NRG1: variants seen among roughly 807,000 people sequenced by gnomAD.
The protein encoded by NRG1 is neuregulin 1.
In NRG1, 18 loss-of-function variants were observed where a neutral mutation model predicts 63.8. The observed-to-expected ratio is 0.28, with a 90% CI of 0.19 to 0.42. The LOEUF (loss-of-function observed/expected upper bound fraction) is 0.42, where lower values mean the gene tolerates loss of function less well. NRG1 is among the 10% of genes least tolerant of loss of function. The probability of loss-of-function intolerance (pLI) is 1.00; values close to 1 mark genes in which losing one functional copy is unlikely to be tolerated. For missense variants in NRG1, 762 were observed against 814.7 expected (o/e 0.94, Z 0.79); for synonymous variants, 302 against 301.3 (o/e 1.00, Z -0.02).
At chr8:32,709,472 T>C (rs1817270133) in intron 5 of NRG1, among the ~76,000 whole-genome samples, 1 of 152,066 alleles carries the variant, frequency 6.6e-6, no homozygotes, top group African/African-American at 2.4e-5. Context: ...CCAGCTGGAG[T>C]ACAGTGGCAT....
In NRG1 at chr8:32,738,263, A is replaced by G. The variant is rs146031185; in HGVS notation, c.633-4412A>G. The stretch of plus-strand genomic sequence containing the variant: ...GAAGTGGGTGATGGGGAGGTGGAGG[A>G]CAGGGAAAGAGTGATGCCTAAGTTC... On this transcript the variant is annotated intron_variant, in intron 6 of 11. Transcript: ENST00000356819. Among the ~76,000 whole-genome samples, 52 of 152,206 alleles carry G rather than the reference A, an allele frequency of 3.4e-4. 1 individual carries two copies. The East Asian group carries it at 9.7e-3, about 28-fold the overall frequency.
chr8:31,665,409 G>T (rs1472555884), intron 1 of NRG1, among the ~76,000 whole-genome samples: 1 of 152,132 alleles, frequency 6.6e-6, no homozygotes, highest in African/African-American at 2.4e-5. Flanking sequence ...CATCATTTTG[G>T]TAAGGGTACA....
intron 1 of NRG1, among the ~76,000 whole-genome samples, chr8:32,349,325 G>A (rs575646600): frequency 2.6e-5 from 4 of 152,144 alleles, no homozygotes; most frequent in Non-Finnish European, 5.9e-5. Flanking sequence ...CTATCTTTAA[G>A]GAAAATCATG....
At chr8:32,254,598 T>C (rs1330883096) in intron 1 of NRG1, among the ~76,000 whole-genome samples, 1 of 152,200 alleles carries the variant, frequency 6.6e-6, no homozygotes, top group African/African-American at 2.4e-5. Flanking sequence ...CTTCCAATTA[T>C]GTGGTCAGTT....
intron 1 of NRG1, among the ~76,000 whole-genome samples, chr8:32,028,753 T>A (rs1204968504): frequency 6.6e-6 from 1 of 152,144 alleles, no homozygotes; most frequent in Non-Finnish European, 1.5e-5. Context: ...AAGAAGAATA[T>A]TTTTTCAAGA....
At chr8:31,658,226 G>A (rs1457886950) in intron 1 of NRG1, among the ~76,000 whole-genome samples, 1 of 152,218 alleles carries the variant, frequency 6.6e-6, no homozygotes, top group Non-Finnish European at 1.5e-5. Context: ...GGAAGGAAAA[G>A]AGACATGGTA....
At chr8:32,708,025 T>C (rs552443375) in intron 5 of NRG1, among the ~76,000 whole-genome samples, 2 of 152,154 alleles carry the variant, frequency 1.3e-5, no homozygotes, top group South Asian at 4.1e-4. Flanking sequence ...TAAAACAAAA[T>C]AATAGTGGCA....
At chr8:31,663,820 T>C (rs1806249978) in intron 1 of NRG1, among the ~76,000 whole-genome samples, 1 of 152,068 alleles carries the variant, frequency 6.6e-6, no homozygotes, top group African/African-American at 2.4e-5. Context: ...TTCTTTTTCA[T>C]CTTTGGGGCT....
chr8:32,471,595 CATATT>C (rs1823855989), intron 1 of NRG1, among the ~76,000 whole-genome samples: 1 of 151,914 alleles, frequency 6.6e-6, no homozygotes. Flanking sequence ...AGACAATAAA[CATATT>C]AAACAAAGCC....
chr8:32,156,408 C>A (rs763696794), intron 1 of NRG1, among the ~76,000 whole-genome samples: 1 of 152,144 alleles, frequency 6.6e-6, no homozygotes, highest in Admixed American at 6.5e-5. Flanking sequence ...TCATGTCATA[C>A]TTTTTAGATT....
chr8:31,780,395 A>G (rs1013531189), intron 1 of NRG1, among the ~76,000 whole-genome samples: 1 of 152,152 alleles, frequency 6.6e-6, no homozygotes, highest in African/African-American at 2.4e-5. Flanking sequence ...GAATGATAGC[A>G]TTTTCTGCTC....
chr8:32,166,661 A>T (rs1839434646), intron 1 of NRG1, among the ~76,000 whole-genome samples: 1 of 152,230 alleles, frequency 6.6e-6, no homozygotes, highest in Non-Finnish European at 1.5e-5. Context: ...TGATGGTAAC[A>T]GTGCTATGTC....
At chr8:32,533,821 T>C (rs1021848653) in intron 1 of NRG1, among the ~76,000 whole-genome samples, 2 of 152,126 alleles carry the variant, frequency 1.3e-5, no homozygotes, top group African/African-American at 4.8e-5. Flanking sequence ...TTTAAATGCA[T>C]TGAATGTCAA....
At chr8:31,787,921 A>T (rs942470946) in intron 1 of NRG1, among the ~76,000 whole-genome samples, 1 of 152,196 alleles carries the variant, frequency 6.6e-6, no homozygotes, top group Non-Finnish European at 1.5e-5. Context: ...TGTGTCAGGC[A>T]TTATTTTAAT....
At chr8:32,463,915 G>T (rs12542899) in intron 1 of NRG1, among the ~76,000 whole-genome samples, 59,321 of 62,564 alleles carry the variant, frequency 0.95, 28,059 homozygotes, top group Middle Eastern at 0.98. Context: ...TTTTTTTTTG[G>T]GGGAGGGTCT....
intron 1 of NRG1, among the ~76,000 whole-genome samples, chr8:32,053,540 T>C (rs1333494883): frequency 6.6e-6 from 1 of 152,178 alleles, no homozygotes; most frequent in Non-Finnish European, 1.5e-5. Flanking sequence ...AAACCTCTTT[T>C]CATCATGAAA....
intron 1 of NRG1, among the ~76,000 whole-genome samples, chr8:32,135,963 A>G (rs1348177866): frequency 1.6e-5 from 2 of 124,484 alleles, no homozygotes; most frequent in African/African-American, 5.2e-5. Flanking sequence ...GTGATTGTTG[A>G]GATGTTTTGA....
intron 5 of NRG1, chr8:32,648,076 A>G (rs971320934): frequency 1.9e-6 from 3 of 1,613,772 alleles, no homozygotes; most frequent in Non-Finnish European, 2.5e-6. Flanking sequence ...TTAGGCCAGG[A>G]CCCTATTATT....
chr8:31,800,935 G>T (rs1192272940), intron 1 of NRG1, among the ~76,000 whole-genome samples: 1 of 143,620 alleles, frequency 7.0e-6, no homozygotes, highest in Non-Finnish European at 1.5e-5. Context: ...CCACCTTCCA[G>T]GTTCACGCCA....
Sources: gnomAD v4.1 joint callset for allele counts (sites outside exome capture counted in the v4.1 genomes callset) on GRCh38, gnomAD v4.1.1 for gene constraint, MANE v1.5 for transcripts, NCBI Gene and HGNC (gene_info 2026-07-23, HGNC 2026-07-21) for gene names.